JHY: variants seen among roughly 807,000 people sequenced by gnomAD.
The protein encoded by JHY is junctional cadherin complex regulator.
JHY carries 69 observed loss-of-function variants against 78.0 expected under a neutral mutation model. The observed-to-expected ratio is 0.88, with a 90% CI of 0.73 to 1.08. The LOEUF (loss-of-function observed/expected upper bound fraction) is 1.08, where lower values mean the gene tolerates loss of function less well. Among genes scored for constraint, JHY ranks in the 50% least tolerant of loss-of-function variants. The probability of loss-of-function intolerance (pLI) is 0.00; values close to 1 mark genes in which losing one functional copy is unlikely to be tolerated. For missense variants in JHY, 944 were observed against 927.8 expected (o/e 1.02, Z -0.23); for synonymous variants, 368 against 342.6 (o/e 1.07, Z -0.82).
At chr11:122,941,229 T>G (rs1283991326) in intron 5 of JHY, among the ~76,000 whole-genome samples, 1 of 152,206 alleles carries the variant, frequency 6.6e-6, no homozygotes, top group African/African-American at 2.4e-5. Flanking sequence ...ACTCAAGATC[T>G]CAGCAGTTAG....
chr11:122,913,165 C>A (rs1863166882), intron 3 of JHY, among the ~76,000 whole-genome samples: 1 of 152,108 alleles, frequency 6.6e-6, no homozygotes, highest in Non-Finnish European at 1.5e-5. Context: ...TCCAGGCACA[C>A]CCCACACTCG....
chr11:122,912,303 A>G (rs1019757564), intron 3 of JHY, among the ~76,000 whole-genome samples: 1 of 148,710 alleles, frequency 6.7e-6, no homozygotes, highest in Non-Finnish European at 1.5e-5. Context: ...AAAAAAAAAA[A>G]GGTTAAACTG....
Position 122,963,532 on chromosome 11 carries a change from A to C in JHY, c.*4087A>C, listed in dbSNP as rs1212669487. 6.6e-6 allele frequency among the ~76,000 whole-genome samples: 1 copy of C among 152,224 alleles called. No homozygotes were observed. The highest frequency in any genetic ancestry group is 1.9e-4 in the East Asian group (1 of 5,206). On this transcript the variant is annotated 3_prime_UTR_variant, in exon 9 of 9. Transcript: ENST00000227349. ...GTGAAATACAGCAGAATGTCACTAA[A>C]CTACCATAAAACTAAGGGGAGAGAT...
At position 122,959,955 on chromosome 11, in the gene JHY, C is replaced by T. The variant is rs75993858; in HGVS notation, c.*510C>T. Among the ~76,000 whole-genome samples, 2,664 of 152,160 alleles carry T rather than the reference C, an allele frequency of 0.018. 69 individuals are homozygous for T. The highest frequency in any genetic ancestry group is 0.092 in the South Asian group (444 of 4,814). ...GGGCTTATATATATTAAGTTGAGGCCGGGCACAGTGGCTCACGCCTGTAAT... is the reference window on the plus strand; with the variant it reads ...GGGCTTATATATATTAAGTTGAGGCTGGGCACAGTGGCTCACGCCTGTAAT... On this transcript the variant is annotated 3_prime_UTR_variant, in exon 9 of 9. Transcript: ENST00000227349.
In JHY at chr11:122,903,992, G is replaced by A. The variant is rs1360090872; in HGVS notation, c.412G>A (p.Glu138Lys). 2 of 1,614,040 alleles carry A rather than the reference G, an allele frequency of 1.2e-6. No individual in the cohort carries two copies. Among genetic ancestry groups the A allele is most frequent in the Admixed American group, 3.3e-5 (2 of 60,020 alleles). ...YDPNWKSKKE[E>K]GQLLSVEALP... The stretch of plus-strand genomic sequence containing the variant: ...CCCGAACTGGAAGAGTAAGAAGGAG[G>A]AAGGGCAGCTGCTGTCTGTGGAAGC... Residue 138 changes from glutamate (E) to lysine (K), a missense_variant, in exon 3 of 9, where the codon GAA becomes AAA. Transcript: ENST00000227349.
chr11:122,917,994 G>A lies in JHY; in HGVS notation c.865-6903G>A, dbSNP rs770211375. Among the ~76,000 whole-genome samples, 3 of 150,698 alleles carry A rather than the reference G, an allele frequency of 2.0e-5. No homozygotes were observed. Among genetic ancestry groups the A allele is most frequent in the Admixed American group, 6.6e-5 (1 of 15,204 alleles). On this transcript the variant is annotated intron_variant, in intron 3 of 8. Transcript: ENST00000227349. This position sits in a 1 kb window ranked among gnomAD's most constrained non-coding sequence, Gnocchi z 4.1. Reference sequence around the variant, plus strand: ...CAGCTCACTGCAACCTCTGCCTCCCGGGTCCAAACGACTGTCATGCCTCAG... The same window carrying A: ...CAGCTCACTGCAACCTCTGCCTCCCAGGTCCAAACGACTGTCATGCCTCAG...
rs753880377 is a variant in JHY, at chr11:122,957,509, A to G, written c.2139+18A>G. On this transcript the variant is annotated intron_variant, in intron 8 of 8. Coordinates refer to ENST00000227349, the MANE Select transcript of JHY (RefSeq NM_024806.4). ...GGCAGAAGGTAAGAAATTCTCAACA[A>G]GGCATTTATTTTTTCAAGCAGAATT... 47 of 1,525,192 alleles carry G rather than the reference A, an allele frequency of 3.1e-5. 1 individual carries two copies. In the South Asian group the frequency reaches 5.9e-4, roughly 19 times the overall value. The allele number at this position is 1,525,192 out of a possible 1,614,324, so 94.5% of individuals were successfully genotyped here.
At chr11:122,936,567 G>A (rs979478477) in intron 5 of JHY, among the ~76,000 whole-genome samples, 2 of 151,890 alleles carry the variant, frequency 1.3e-5, no homozygotes, top group Non-Finnish European at 2.9e-5. Context: ...TATCATAAAC[G>A]AGTATTTGAT....
In JHY at chr11:122,883,600, C is replaced by G. The variant is rs909199412; in HGVS notation, c.-90+628C>G. Among the ~76,000 whole-genome samples the G allele has an allele frequency of 3.3e-5, 5 of 150,194 alleles. No homozygotes were observed. The highest frequency in any genetic ancestry group is 1.2e-4 in the African/African-American group (5 of 40,848). ...GCGGCACAACCTTTTTTTTTTTTCA[C>G]TGGACGGGAGGAGGGAGCCACATTC... On this transcript the variant is annotated intron_variant, in intron 1 of 8. Transcript: ENST00000227349. The surrounding 1 kb of genome is among the most constrained non-coding windows in gnomAD (Gnocchi z 4.4).
At position 122,961,215 on chromosome 11, in the gene JHY, C is replaced by T. The variant is rs1864307535; in HGVS notation, c.*1770C>T. Reference sequence around the variant, plus strand: ...TAGTTTATATCTCCTAAAAATGAAACATTTGTTCCCTATACTGAGAGAACT... The same window carrying T: ...TAGTTTATATCTCCTAAAAATGAAATATTTGTTCCCTATACTGAGAGAACT... On this transcript the variant is annotated 3_prime_UTR_variant, in exon 9 of 9. Coordinates refer to ENST00000227349, the MANE Select transcript of JHY (RefSeq NM_024806.4). 1 of 463,692 alleles carries T rather than the reference C, an allele frequency of 2.2e-6. No homozygotes were observed. Among genetic ancestry groups the T allele is most frequent in the South Asian group, 2.3e-5 (1 of 43,272 alleles). 28.7% of individuals were successfully genotyped at this position (463,692 alleles called of 1,614,324 possible).
chr11:122,892,200 T>C (rs1427447122), intron 2 of JHY, among the ~76,000 whole-genome samples: 2 of 152,000 alleles, frequency 1.3e-5, no homozygotes, highest in Non-Finnish European at 2.9e-5. Context: ...GCCCATATTC[T>C]GTCTAAGAAA....
chr11:122,885,882 T>C lies in JHY; in HGVS notation c.33T>C (p.Ser11=), dbSNP rs1862483541. The C allele has an allele frequency of 1.2e-6, 2 of 1,612,934 alleles. No individual in the cohort carries two copies. The highest frequency in any genetic ancestry group is 1.3e-5 in the African/African-American group (1 of 74,976). MSKRKLIPKL[S]IQSPVLHTNL... is the part of the protein sequence containing the mutation. Reference sequence around the variant, plus strand: ...AACGTAAACTAATTCCCAAGCTCTCTATTCAATCTCCTGTCCTTCATACCA... The same window carrying C: ...AACGTAAACTAATTCCCAAGCTCTCCATTCAATCTCCTGTCCTTCATACCA... Residue 11 remains serine, a synonymous_variant, in exon 2 of 9, where the codon TCT becomes TCC. Coordinates refer to ENST00000227349, the MANE Select transcript of JHY (RefSeq NM_024806.4).
intron 3 of JHY, among the ~76,000 whole-genome samples, chr11:122,916,981 A>C: frequency 1.4e-5 from 2 of 146,944 alleles, no homozygotes; most frequent in African/African-American, 5.1e-5. Flanking sequence ...AGTTCCCCCC[A>C]CCCCCAACAT....
intron 2 of JHY, among the ~76,000 whole-genome samples, chr11:122,887,197 C>T (rs994074190): frequency 2.6e-5 from 4 of 152,132 alleles, no homozygotes; most frequent in African/African-American, 9.7e-5. Flanking sequence ...TATTTCTGTG[C>T]CTCAGTTTCT....
At chr11:122,920,853 A>T (rs576955373) in intron 3 of JHY, among the ~76,000 whole-genome samples, 4 of 152,134 alleles carry the variant, frequency 2.6e-5, no homozygotes, top group African/African-American at 9.7e-5. Context: ...CTCCCTGCAA[A>T]GGCCGGTTTT....
intron 2 of JHY, among the ~76,000 whole-genome samples, chr11:122,891,671 A>T (rs1202909418): frequency 6.6e-6 from 1 of 151,816 alleles, no homozygotes; most frequent in Non-Finnish European, 1.5e-5. Flanking sequence ...CATTTGTAAA[A>T]CTCTTTGCTT....
At chr11:122,905,368 C>T (rs1460088444) in intron 3 of JHY, 4 of 1,514,958 alleles carry the variant, frequency 2.6e-6, no homozygotes, top group African/African-American at 2.8e-5. Context: ...AGATTTATCA[C>T]CTGCTAATGT....
At chr11:122,896,008 A>G (rs1025641920) in intron 2 of JHY, among the ~76,000 whole-genome samples, 5 of 152,180 alleles carry the variant, frequency 3.3e-5, no homozygotes, top group African/African-American at 1.2e-4. Context: ...GGGATGTTTA[A>G]GATAGTCTTT....
intron 3 of JHY, among the ~76,000 whole-genome samples, chr11:122,922,581 T>C (rs1467993664): frequency 4.0e-5 from 6 of 149,924 alleles, no homozygotes; most frequent in Non-Finnish European, 7.4e-5. Flanking sequence ...GAGGCCGAGG[T>C]GGGCGGATCA....
Sources: gnomAD v4.1 joint callset for allele counts (sites outside exome capture counted in the v4.1 genomes callset) on GRCh38, gnomAD v4.1.1 for gene constraint, Gnocchi (gnomAD v3.1) non-coding constraint, MANE v1.5 for transcripts, NCBI Gene and HGNC (gene_info 2026-07-23, HGNC 2026-07-21) for gene names.